GREB1L: variants seen among roughly 807,000 people sequenced by gnomAD.
GREB1L encodes GREB1-like protein.
Under a neutral mutation model 200.8 loss-of-function variants are expected in GREB1L, and 17 were observed. The observed-to-expected ratio is 0.08, with a 90% CI of 0.06 to 0.13. The LOEUF (loss-of-function observed/expected upper bound fraction) is 0.13. Among genes scored for constraint, GREB1L ranks in the 10% least tolerant of loss-of-function variants. GREB1L has a pLI of 1.00. For synonymous variants in GREB1L, 789 were observed against 893.0 expected (o/e 0.88, Z 2.08); for missense variants, 1,657 against 2,367.7 (o/e 0.70, Z 6.23).
chr18:21,377,651 G>A (rs1466268447), intron 2 of GREB1L, among the ~76,000 whole-genome samples: 4 of 152,100 alleles, frequency 2.6e-5, no homozygotes, highest in South Asian at 2.1e-4. Context: ...AGCCAAGATT[G>A]TGCCACTGCA....
intron 1 of GREB1L, among the ~76,000 whole-genome samples, chr18:21,286,018 TGGAATA>T: frequency 6.6e-6 from 1 of 152,196 alleles, no homozygotes; most frequent in Non-Finnish European, 1.5e-5. Context: ...CTTTTGAACT[TGGAATA>T]GGACAATAAT....
intron 1 of GREB1L, among the ~76,000 whole-genome samples, chr18:21,329,430 GT>G (rs370524304): frequency 6.6e-6 from 1 of 150,960 alleles, no homozygotes; most frequent in Non-Finnish European, 1.5e-5. Flanking sequence ...TTTTCCTTGA[GT>G]TTTTTTGTGA....
intron 7 of GREB1L, among the ~76,000 whole-genome samples, chr18:21,417,714 A>G (rs568339471): frequency 6.6e-6 from 1 of 152,184 alleles, no homozygotes; most frequent in South Asian, 2.1e-4. Flanking sequence ...AAAATAGGCC[A>G]GGCACAGTGG....
In GREB1L at chr18:21,492,702, C is replaced by T. The variant is rs150514471; in HGVS notation, c.3030+2351C>T. On this transcript the variant is annotated intron_variant, in intron 19 of 32. Coordinates refer to ENST00000424526, the MANE Select transcript of GREB1L (RefSeq NM_001142966.3). ...TAGTTGACAATCACTGTGCCCTAAA[C>T]GAAGGGGGCCTCAAGTTACGACTTC... 8.1e-4 allele frequency among the ~76,000 whole-genome samples: 123 copies of T among 152,326 alleles called. 1 individual carries two copies. In the East Asian group the frequency reaches 0.019, roughly 24 times the overall value.
chr18:21,258,790 A>G lies in GREB1L; in HGVS notation c.-120+16397A>G, dbSNP rs937941244. On this transcript the variant is annotated intron_variant, in intron 1 of 32. Transcript: ENST00000424526. Reference sequence around the variant, plus strand: ...TTCGTGCGTGTTCAATTGATCATCAAATTTACTTACTTACAAATGTACCTA... The same window carrying G: ...TTCGTGCGTGTTCAATTGATCATCAGATTTACTTACTTACAAATGTACCTA... Among the ~76,000 whole-genome samples, 100 of 152,210 alleles carry G rather than the reference A, an allele frequency of 6.6e-4. 2 individuals are homozygous for G. Among genetic ancestry groups the G allele is most frequent in the Admixed American group, 6.2e-3 (95 of 15,280 alleles).
intron 1 of GREB1L, among the ~76,000 whole-genome samples, chr18:21,255,917 A>G (rs1436436119): frequency 2.6e-5 from 4 of 152,208 alleles, no homozygotes; most frequent in Non-Finnish European, 5.9e-5. Context: ...CAGAATTGTC[A>G]ATCTATAGTA....
chr18:21,326,837 C>T (rs937376841), intron 1 of GREB1L, among the ~76,000 whole-genome samples: 48 of 152,188 alleles, frequency 3.2e-4, no homozygotes, highest in African/African-American at 1.2e-3. Flanking sequence ...TATTAACCAG[C>T]CTGTTGTTCC....
At chr18:21,268,592 T>TATATAC (rs1555623557) in intron 1 of GREB1L, among the ~76,000 whole-genome samples, 6 of 128,342 alleles carry the variant, frequency 4.7e-5, no homozygotes, top group Admixed American at 2.4e-4. Context: ...TATATATATA[T>TATATAC]ACATGTATAT....
rs191616182 is a variant in GREB1L at position 21,307,701 on chromosome 18, C to T, written c.-119-58326C>T. Among the ~76,000 whole-genome samples the T allele has an allele frequency of 5.5e-4, 84 of 152,222 alleles. 1 individual carries two copies. In the East Asian group the frequency reaches 0.015, roughly 27 times the overall value. ...TCTGTGAGGACCACAGTGAGGGTCT[C>T]CTGTGCCCTCTGACTTCTGCCAGTA... On this transcript the variant is annotated intron_variant, in intron 1 of 32. Transcript: ENST00000424526.
At chr18:21,329,324 A>T (rs2039071156) in intron 1 of GREB1L, among the ~76,000 whole-genome samples, 2 of 86,270 alleles carry the variant, frequency 2.3e-5, no homozygotes, top group East Asian at 5.3e-4. Context: ...GACTCTGTCT[A>T]AAAAAAAAAA....
rs115290964 is a variant in GREB1L at position 21,319,954 on chromosome 18, C to T, written c.-119-46073C>T. ...CCACAGAAATATCATTCGTATAAAG[C>T]AGTCTGTGGGTAAGGCATGGTAAAG... is the stretch of plus-strand genomic sequence containing the variant. On this transcript the variant is annotated intron_variant, in intron 1 of 32. Coordinates refer to ENST00000424526, the MANE Select transcript of GREB1L (RefSeq NM_001142966.3). Among the ~76,000 whole-genome samples, 830 of 152,306 alleles carry T rather than the reference C, an allele frequency of 5.4e-3. 11 individuals carry two copies. The highest frequency in any genetic ancestry group is 0.019 in the African/African-American group (803 of 41,564).
At chr18:21,398,973 T>G (rs1359854679) in intron 5 of GREB1L, among the ~76,000 whole-genome samples, 5 of 152,216 alleles carry the variant, frequency 3.3e-5, no homozygotes, top group Non-Finnish European at 5.9e-5. Flanking sequence ...GTTTTTAAAA[T>G]GGACTGTAGG....
intron 1 of GREB1L, among the ~76,000 whole-genome samples, chr18:21,318,687 G>C (rs2038908541): frequency 6.6e-6 from 1 of 152,178 alleles, no homozygotes; most frequent in Admixed American, 6.5e-5. Context: ...TATAAGAAAT[G>C]TATTCCAAAA....
At chr18:21,407,770 A>G (rs2030444463) in intron 7 of GREB1L, among the ~76,000 whole-genome samples, 1 of 152,200 alleles carries the variant, frequency 6.6e-6, no homozygotes, top group Admixed American at 6.5e-5. Flanking sequence ...TACACAATGG[A>G]ATTCTATTTA....
At chr18:21,307,538 C>T (rs1298784251) in intron 1 of GREB1L, among the ~76,000 whole-genome samples, 3 of 152,104 alleles carry the variant, frequency 2.0e-5, no homozygotes, top group African/African-American at 4.8e-5. Context: ...ATAGATTGAT[C>T]GTGAATTGGC....
At chr18:21,377,755 CAAACATT>C (rs1301715493) in intron 2 of GREB1L, among the ~76,000 whole-genome samples, 6 of 151,954 alleles carry the variant, frequency 3.9e-5, no homozygotes, top group African/African-American at 1.2e-4. Context: ...ACTAAAAATA[CAAACATT>C]AGCCAGGTGT....
At chr18:21,441,295 A>G (rs2033886740) in intron 9 of GREB1L, 105 bp from the exon 10 acceptor site, 1 of 972,616 alleles carries the variant, frequency 1.0e-6, no homozygotes, top group African/African-American at 1.7e-5. Flanking sequence ...ACAAACCATT[A>G]GATTTCTAAT....
intron 22 of GREB1L, 34 bp from the exon 23 acceptor site, chr18:21,500,506 T>C: frequency 7.0e-7 from 1 of 1,430,600 alleles, no homozygotes; most frequent in Non-Finnish European, 9.6e-7. Context: ...CTTTCCCGCC[T>C]CCACTCCTCC....
chr18:21,340,705 G>A (rs749821982), intron 1 of GREB1L, among the ~76,000 whole-genome samples: 2 of 151,954 alleles, frequency 1.3e-5, no homozygotes, highest in Non-Finnish European at 2.9e-5. Context: ...ACCATGCCTG[G>A]CTAATTTTTT....
Sources: gnomAD v4.1 joint callset for allele counts (sites outside exome capture counted in the v4.1 genomes callset) on GRCh38, gnomAD v4.1.1 for gene constraint, MANE v1.5 for transcripts, NCBI Gene and HGNC (gene_info 2026-07-23, HGNC 2026-07-21) for gene names.